The following IQGAP2 variants were observed in gnomAD, a reference collection of about 807,000 sequenced individuals.
The protein encoded by IQGAP2 is IQ motif containing GTPase activating protein 2, also known as ras GTPase-activating-like protein IQGAP2.
A neutral mutation model predicts 201.3 loss-of-function variants in IQGAP2; 173 were observed. That is an observed-to-expected ratio of 0.86 (90% confidence interval 0.76 to 0.98). The LOEUF is 0.98. Ranked by LOEUF, IQGAP2 falls within the 50% of genes least tolerant of loss-of-function variation. The pLI, the probability that IQGAP2 is intolerant of heterozygous loss-of-function variation, is 0.00. For missense variants in IQGAP2, 1,687 were observed against 1,864.8 expected, an observed-to-expected ratio of 0.90 and a Z score of 1.76; for synonymous variants, 675 against 673.9, an observed-to-expected ratio of 1.00 and a Z score of -0.03.
chr5:76,579,805 G>A (rs146971679), intron 5 of IQGAP2, among the ~76,000 whole-genome samples: 5 of 152,170 alleles, frequency 3.3e-5, no homozygotes, highest in Admixed American at 1.3e-4. Context: ...CTTAGTTAGT[G>A]GATGTGACCA....
At chr5:76,598,420 G>C (rs1747186957) in intron 10 of IQGAP2, among the ~76,000 whole-genome samples, 1 of 151,860 alleles carries the variant, frequency 6.6e-6, no homozygotes, top group African/African-American at 2.4e-5. Context: ...CCAAAAACAT[G>C]AGCAGGCAAT....
intron 1 of IQGAP2, among the ~76,000 whole-genome samples, chr5:76,445,997 C>T (rs1753369319): frequency 1.3e-5 from 2 of 152,346 alleles, no homozygotes; most frequent in South Asian, 2.1e-4. Flanking sequence ...GGTTTATCCA[C>T]ACTGTAGCAT....
chr5:76,507,436 G>A (rs1757669300), intron 2 of IQGAP2, among the ~76,000 whole-genome samples: 1 of 152,100 alleles, frequency 6.6e-6, no homozygotes, highest in African/African-American at 2.4e-5. Flanking sequence ...TACATGTTTT[G>A]TTAGATTTAT....
intron 5 of IQGAP2, among the ~76,000 whole-genome samples, chr5:76,585,275 G>A (rs1435574674): frequency 3.3e-5 from 5 of 152,128 alleles, no homozygotes; most frequent in Admixed American, 3.3e-4. Context: ...AGCACATTAA[G>A]TACTTGAAAT....
chr5:76,414,284 T>C (rs1233779855), intron 1 of IQGAP2, among the ~76,000 whole-genome samples: 1 of 152,092 alleles, frequency 6.6e-6, no homozygotes, highest in Non-Finnish European at 1.5e-5. Flanking sequence ...AGGAGCCTGG[T>C]AAGATAGTCA....
At chr5:76,505,870 A>G (rs923981405) in intron 2 of IQGAP2, among the ~76,000 whole-genome samples, 5 of 152,200 alleles carry the variant, frequency 3.3e-5, no homozygotes, top group African/African-American at 1.2e-4. Flanking sequence ...TGTTCCTGGT[A>G]AGCATCTCCT....
intron 3 of IQGAP2, among the ~76,000 whole-genome samples, chr5:76,565,132 C>T (rs1210179986): frequency 6.6e-6 from 1 of 152,182 alleles, no homozygotes; most frequent in Admixed American, 6.5e-5. Context: ...AATGCAACTT[C>T]CTGATCTTGT....
intron 2 of IQGAP2, among the ~76,000 whole-genome samples, chr5:76,512,915 C>T (rs1164700382): frequency 6.6e-6 from 1 of 152,122 alleles, no homozygotes; most frequent in Non-Finnish European, 1.5e-5. Flanking sequence ...ATTTGCTGGG[C>T]ATGATGGCGC....
chr5:76,702,641 A>G (rs755669025), intron 35 of IQGAP2, 51 bp downstream of exon 35: 2 of 853,148 alleles, frequency 2.3e-6, no homozygotes, highest in East Asian at 4.8e-5. Context: ...TATGTGGATC[A>G]TACATTGCTA....
intron 19 of IQGAP2, 68 bp from the exon 20 acceptor site, chr5:76,654,866 T>C (rs927890403): frequency 6.0e-6 from 6 of 1,001,538 alleles, no homozygotes; most frequent in Non-Finnish European, 9.4e-6. Flanking sequence ...TTCTTAAATG[T>C]TCTAAATTCA....
intron 1 of IQGAP2, chr5:76,404,381 C>T (rs1400210085): frequency 1.3e-6 from 1 of 784,212 alleles, no homozygotes; most frequent in African/African-American, 1.9e-5. Context: ...GCTTCATGTG[C>T]AGAGTTCAGA....
At chr5:76,424,619 C>A (rs1362592440) in intron 1 of IQGAP2, among the ~76,000 whole-genome samples, 1 of 152,180 alleles carries the variant, frequency 6.6e-6, no homozygotes, top group Admixed American at 6.5e-5. Context: ...TTTTTGTAAA[C>A]CTCCTCAAAT....
At chr5:76,661,450 T>C (rs1210697191) in intron 21 of IQGAP2, among the ~76,000 whole-genome samples, 4 of 152,156 alleles carry the variant, frequency 2.6e-5, no homozygotes, top group Non-Finnish European at 2.9e-5. Context: ...AATCTAAAAC[T>C]AGTGCTAAAA....
In IQGAP2 at chr5:76,445,838, C is replaced by A. The variant is rs1409428286; in HGVS notation, c.47-15732C>A. 2.6e-5 allele frequency among the ~76,000 whole-genome samples: 4 copies of A among 152,122 alleles called. No homozygotes were observed. In the East Asian group the frequency reaches 7.7e-4, roughly 29 times the overall value. ...CATTGTCGTGCAGCCAACATGAACG[C>A]CCCGTTCTCTCCTCCCCAACAACCC... On this transcript the variant is annotated intron_variant, in intron 1 of 35. Transcript: ENST00000274364.
intron 1 of IQGAP2, among the ~76,000 whole-genome samples, chr5:76,429,348 A>C (rs1752198946): frequency 6.6e-6 from 1 of 151,572 alleles, no homozygotes. Context: ...TGAGGTGGGC[A>C]GATCACGAGG....
At chr5:76,691,222 C>G (rs867281143) in intron 30 of IQGAP2, among the ~76,000 whole-genome samples, 2 of 152,068 alleles carry the variant, frequency 1.3e-5, no homozygotes, top group African/African-American at 2.4e-5. Context: ...GCCTGGTGTA[C>G]AGTAGAAGTC....
chr5:76,686,296 G>GT (rs59286743), intron 30 of IQGAP2, among the ~76,000 whole-genome samples: 21,977 of 130,124 alleles, frequency 0.17, 1,901 homozygotes, highest in African/African-American at 0.24. Context: ...CCGCACAAAT[G>GT]TTTTTTTTTT....
In IQGAP2 at chr5:76,695,485, G is replaced by A. The variant is rs771204773; in HGVS notation, c.4025G>A (p.Arg1342His). The A allele has an allele frequency of 5.0e-5, 81 of 1,613,956 alleles. No homozygotes were observed. The highest frequency in any genetic ancestry group is 6.3e-5 in the Non-Finnish European group (74 of 1,179,986). Residue 1342 changes from arginine to histidine, a missense_variant, in exon 32 of 36, where the codon CGT becomes CAT. Transcript: ENST00000274364. ...GACCATGCCACGGACATGGTGAGCC[G>A]TGCAATGATAGATTCCAGGACTCCA... ...EVDHATDMVS[R>H]AMIDSRTPEE...
intron 23 of IQGAP2, among the ~76,000 whole-genome samples, chr5:76,669,546 A>G (rs1377169191): frequency 2.6e-5 from 4 of 152,246 alleles, no homozygotes; most frequent in African/African-American, 4.8e-5. Context: ...ACAGGAGGAA[A>G]GATTCCAACT....
Sources: allele counts gnomAD v4.1 joint callset (sites outside exome capture counted in the v4.1 genomes callset), GRCh38; gene constraint gnomAD v4.1.1; transcripts MANE v1.5; gene names NCBI Gene and HGNC (gene_info 2026-07-23, HGNC 2026-07-21).